MTFR1: variants seen among roughly 807,000 people sequenced by gnomAD.
MTFR1 encodes chondrocyte protein with a poly-proline region.
A neutral mutation model predicts 38.8 loss-of-function variants in MTFR1; 28 were observed. The observed-to-expected ratio is 0.72, with a 90% CI of 0.53 to 0.99. The LOEUF is 0.99. Among genes scored for constraint, MTFR1 ranks in the 50% least tolerant of loss-of-function variants. The pLI, the probability that MTFR1 is intolerant of heterozygous loss-of-function variation, is 0.00. For synonymous variants in MTFR1, 145 were observed against 137.0 expected (o/e 1.06, Z -0.41); for missense variants, 358 against 395.5 (o/e 0.91, Z 0.81).
At chr8:65,725,068 T>C (rs1259746083) in intron 3 of MTFR1, 2 of 473,230 alleles carry the variant, frequency 4.2e-6, no homozygotes, top group African/African-American at 4.0e-5. Flanking sequence ...ACACAAAAAA[T>C]GAGTTTTATA....
At chr8:65,719,390 C>A in exon 3 of MTFR1, 1 of 1,614,054 alleles carries the variant, frequency 6.2e-7, no homozygotes, top group Non-Finnish European at 8.5e-7. Flanking sequence ...TCCCTTCCAG[C>A]TGGCTTTATT....
At chr8:65,668,049 C>T (rs78392292) in intron 1 of MTFR1, among the ~76,000 whole-genome samples, 3,298 of 152,182 alleles carry the variant, frequency 0.022, 120 homozygotes, top group African/African-American at 0.075. Flanking sequence ...AAGCTCTTCT[C>T]ACAACGTAGA....
chr8:65,675,152 A>T (rs1397956637), intron 2 of MTFR1, among the ~76,000 whole-genome samples: 3 of 152,132 alleles, frequency 2.0e-5, no homozygotes, highest in African/African-American at 2.4e-5. Context: ...TTAATTGGGC[A>T]TGGTAGCGCA....
chr8:65,712,934 T>C (rs1052028561), downstream of MTFR1, among the ~76,000 whole-genome samples: 38 of 152,254 alleles, frequency 2.5e-4, no homozygotes, highest in African/African-American at 8.2e-4. Flanking sequence ...TACAGTCTCC[T>C]GCTGCTTTAC....
chr8:65,710,990 TAGAGAGAGAGAG>T (rs58516082), downstream of MTFR1, among the ~76,000 whole-genome samples: 1 of 150,754 alleles, frequency 6.6e-6, no homozygotes, highest in Non-Finnish European at 1.5e-5. Flanking sequence ...TATATATATA[TAGAGAGAGAGAG>T]AGAGAGAGAG....
downstream of MTFR1, among the ~76,000 whole-genome samples, chr8:65,771,970 G>C (rs1809108248): frequency 1.3e-5 from 2 of 149,646 alleles, no homozygotes; most frequent in African/African-American, 2.5e-5. Context: ...GAGAATACCA[G>C]AACAACCTCA....
chr8:65,677,226 C>G (rs569779725), intron 2 of MTFR1, among the ~76,000 whole-genome samples: 1 of 151,396 alleles, frequency 6.6e-6, no homozygotes, highest in Admixed American at 6.6e-5. Context: ...TGTGCCACCA[C>G]GCCTGGCTAA....
intron 3 of MTFR1, among the ~76,000 whole-genome samples, chr8:65,735,628 A>G (rs79257313): frequency 0.04 from 6,111 of 151,454 alleles, 183 homozygotes; most frequent in Non-Finnish European, 0.062. Context: ...CTATTTTTGT[A>G]TGTGGTTATT....
intron 3 of MTFR1, among the ~76,000 whole-genome samples, chr8:65,764,555 T>C (rs1299180788): frequency 6.6e-6 from 1 of 152,204 alleles, no homozygotes. Context: ...AGGGAAATGC[T>C]GAGCAAACTA....
At chr8:65,733,700 G>A (rs1007792176) in intron 3 of MTFR1, among the ~76,000 whole-genome samples, 3 of 152,128 alleles carry the variant, frequency 2.0e-5, no homozygotes, top group Non-Finnish European at 4.4e-5. Context: ...CTGTATTACT[G>A]CATGTAAGTT....
chr8:65,745,544 A>C, intron 3 of MTFR1: 4 of 806,340 alleles, frequency 5.0e-6, no homozygotes, highest in Non-Finnish European at 8.4e-6. Context: ...TTCCATAGAG[A>C]AGTTAAAGAA....
intron 3 of MTFR1, chr8:65,734,969 GAGTT>G: frequency 1.1e-6 from 1 of 928,100 alleles, no homozygotes; most frequent in Non-Finnish European, 1.8e-6. Context: ...TGATAATTAT[GAGTT>G]ACCCACTCAT....
chr8:65,735,110 T>C (rs76161786), intron 3 of MTFR1, among the ~76,000 whole-genome samples: 150 of 152,254 alleles, frequency 9.9e-4, no homozygotes, highest in African/African-American at 3.4e-3. Context: ...ACGAACAGAC[T>C]AGGCTTCGGG....
downstream of MTFR1, among the ~76,000 whole-genome samples, chr8:65,773,859 C>T (rs919758976): frequency 2.0e-5 from 3 of 152,116 alleles, no homozygotes; most frequent in Non-Finnish European, 2.9e-5. Context: ...TTATATTTTT[C>T]GAATTCTCTT....
chr8:65,749,630 A>G (rs983022388), intron 3 of MTFR1, among the ~76,000 whole-genome samples: 5 of 152,260 alleles, frequency 3.3e-5, no homozygotes, highest in Non-Finnish European at 5.9e-5. Flanking sequence ...CTTTGTAAAA[A>G]GAATCTCATT....
chr8:65,759,055 C>T (rs1245295899), intron 3 of MTFR1, among the ~76,000 whole-genome samples: 2 of 152,198 alleles, frequency 1.3e-5, no homozygotes, highest in Non-Finnish European at 2.9e-5. Context: ...GCTGCAGTAC[C>T]CCCAGATCCA....
chr8:65,731,174 G>A (rs1027176164), intron 3 of MTFR1, among the ~76,000 whole-genome samples: 6 of 152,020 alleles, frequency 3.9e-5, no homozygotes, highest in Admixed American at 2.6e-4. Flanking sequence ...AAGATTCTGG[G>A]GGCCAAAATT....
the MTFR1 span, among the ~76,000 whole-genome samples, chr8:65,777,337 C>T: frequency 1.3e-5 from 2 of 152,018 alleles, no homozygotes; most frequent in African/African-American, 4.8e-5. Context: ...CCTCAGCCTC[C>T]CAAAGTGCTG....
At chr8:65,664,812 T>C (rs1299983015) in intron 1 of MTFR1, among the ~76,000 whole-genome samples, 1 of 151,892 alleles carries the variant, frequency 6.6e-6, no homozygotes, top group Non-Finnish European at 1.5e-5. Context: ...AGTCTTGAAC[T>C]CCTAACCTTA....
Sources: allele counts gnomAD v4.1 joint callset (sites outside exome capture counted in the v4.1 genomes callset), GRCh38; gene constraint gnomAD v4.1.1; transcripts MANE v1.5; gene names NCBI Gene and HGNC (gene_info 2026-07-23, HGNC 2026-07-21).